The following NEK11 variants were observed in gnomAD, a reference collection of about 807,000 sequenced individuals.
The protein encoded by NEK11 is NIMA related kinase 11, also known as serine/threonine-protein kinase Nek11.
Under a neutral mutation model 80.7 loss-of-function variants are expected in NEK11, and 72 were observed. The ratio of observed to expected loss-of-function variants is 0.89; its 90% CI spans 0.74 to 1.08. The LOEUF is 1.08. NEK11 is among the 50% of genes least tolerant of loss of function. The pLI, the probability that NEK11 is intolerant of heterozygous loss-of-function variation, is 0.00. For synonymous variants in NEK11, 251 were observed against 260.7 expected (o/e 0.96, Z 0.36); for missense variants, 764 against 763.6 (o/e 1.00, Z -0.01).
chr3:131,176,783 C>T (rs1310900657), intron 14 of NEK11, among the ~76,000 whole-genome samples: 1 of 152,094 alleles, frequency 6.6e-6, no homozygotes, highest in African/African-American at 2.4e-5. Context: ...GGAAAACCAG[C>T]ACCCACGGAC....
At chr3:131,287,763 C>T (rs2096490994) in intron 17 of NEK11, among the ~76,000 whole-genome samples, 1 of 152,146 alleles carries the variant, frequency 6.6e-6, no homozygotes, top group Admixed American at 6.5e-5. Context: ...TGGTCTAACT[C>T]CAGAGCATTC....
At chr3:131,294,546 A>AGTAGTCT (rs2096574232) in intron 17 of NEK11, among the ~76,000 whole-genome samples, 1 of 152,048 alleles carries the variant, frequency 6.6e-6, no homozygotes, top group Non-Finnish European at 1.5e-5. Context: ...TGTTGAATGA[A>AGTAGTCT]GTAGTCTGTA....
chr3:131,190,956 T>C (rs2093771405), intron 14 of NEK11, among the ~76,000 whole-genome samples: 1 of 152,122 alleles, frequency 6.6e-6, no homozygotes, highest in Non-Finnish European at 1.5e-5. Flanking sequence ...AGGAAATCAA[T>C]TAATAGTATC....
At chr3:131,332,684 A>G (rs1471759218) in intron 17 of NEK11, among the ~76,000 whole-genome samples, 3 of 152,178 alleles carry the variant, frequency 2.0e-5, no homozygotes, top group Non-Finnish European at 4.4e-5. Flanking sequence ...ACAGGAGGAA[A>G]TTCAAACCAA....
rs2064508598 is a variant in NEK11, at chr3:131,029,802, C to A, written c.94C>A (p.Gln32Lys). The change falls in exon 3 of 18, where the codon CAA (glutamine) becomes AAA (lysine). Residue 32 changes from glutamine (Q) to lysine (K), a missense_variant. Transcript: ENST00000383366. Reference protein sequence around the residue: ...KTLIARRYVLQQKLGSGSFGT... With the variant: ...KTLIARRYVLKQKLGSGSFGT... ...CTTGATTGCAAGAAGATACGTGCTTCAACAAAAACTTGGCAGTGGAAGTTT... is the reference window on the plus strand; with the variant it reads ...CTTGATTGCAAGAAGATACGTGCTTAAACAAAAACTTGGCAGTGGAAGTTT... 1 of 1,614,182 alleles carries A rather than the reference C, an allele frequency of 6.2e-7. No homozygotes were observed. The highest frequency in any genetic ancestry group is 8.5e-7 in the Non-Finnish European group (1 of 1,180,028).
At chr3:131,078,203 G>A (rs2074684577) in intron 3 of NEK11, among the ~76,000 whole-genome samples, 1 of 152,136 alleles carries the variant, frequency 6.6e-6, no homozygotes, top group Non-Finnish European at 1.5e-5. Flanking sequence ...AATATTTAAA[G>A]TGAATAAAAT....
At chr3:131,121,576 C>T (rs1384385122) in intron 5 of NEK11, among the ~76,000 whole-genome samples, 1 of 152,200 alleles carries the variant, frequency 6.6e-6, no homozygotes, top group African/African-American at 2.4e-5. Flanking sequence ...TATGCCCTGC[C>T]CCCAGTGGTG....
At chr3:131,254,366 T>G (rs774466872) in intron 16 of NEK11, among the ~76,000 whole-genome samples, 24 of 152,198 alleles carry the variant, frequency 1.6e-4, no homozygotes, top group Non-Finnish European at 2.9e-4. Context: ...TAACTGACTT[T>G]AAGTCATCAC....
chr3:131,071,622 TA>T (rs1445002868), intron 3 of NEK11, among the ~76,000 whole-genome samples: 1 of 152,034 alleles, frequency 6.6e-6, no homozygotes, highest in East Asian at 1.9e-4. Context: ...TTATATAAAA[TA>T]ATTTTGAATT....
chr3:131,342,964 C>G (rs1326052430), intron 17 of NEK11, among the ~76,000 whole-genome samples: 1 of 151,890 alleles, frequency 6.6e-6, no homozygotes, highest in Non-Finnish European at 1.5e-5. Flanking sequence ...GGGGAATTGG[C>G]CATATGAAAG....
chr3:131,062,175 A>G (rs2148821202), intron 3 of NEK11, among the ~76,000 whole-genome samples: 1 of 152,360 alleles, frequency 6.6e-6, no homozygotes, highest in East Asian at 1.9e-4. Flanking sequence ...AACACGATTT[A>G]GGGTGACAGA....
intron 17 of NEK11, among the ~76,000 whole-genome samples, chr3:131,348,797 A>G (rs778987655): frequency 3.3e-5 from 5 of 151,888 alleles, no homozygotes; most frequent in Admixed American, 1.3e-4. Context: ...TACCCCTTTT[A>G]AGCCTCAGTT....
chr3:131,123,930 T>C (rs942972131), intron 5 of NEK11, among the ~76,000 whole-genome samples: 1 of 152,098 alleles, frequency 6.6e-6, no homozygotes, highest in African/African-American at 2.4e-5. Flanking sequence ...GTCTCCAAAG[T>C]GAGTTGTTCT....
intron 17 of NEK11, among the ~76,000 whole-genome samples, chr3:131,299,939 T>C (rs759349070): frequency 9.2e-5 from 14 of 152,226 alleles, no homozygotes; most frequent in Non-Finnish European, 1.6e-4. Flanking sequence ...TTTAAGTTAT[T>C]TGAGAAATTA....
Position 131,123,398 on chromosome 3 carries a change from C to T in NEK11, c.456-9347C>T, listed in dbSNP as rs939508798. 1.3e-5 allele frequency among the ~76,000 whole-genome samples: 2 copies of T among 152,198 alleles called. 1 individual carries two copies. The highest frequency in any genetic ancestry group is 4.8e-5 in the African/African-American group (2 of 41,442). On this transcript the variant is annotated intron_variant, in intron 5 of 17. Coordinates refer to ENST00000383366, the MANE Select transcript of NEK11 (RefSeq NM_024800.5). ...GCCAGGCTGGTCTCGAACTCCTGAC[C>T]TTGTGATCTGCCTGCCTCGGCCTCC...
chr3:131,260,598 A>G (rs937339123), intron 16 of NEK11, among the ~76,000 whole-genome samples: 2 of 152,166 alleles, frequency 1.3e-5, no homozygotes, highest in East Asian at 1.9e-4. Context: ...CAGAAATTCT[A>G]TGGTCTATAA....
At chr3:131,297,032 G>C (rs1352304825) in intron 17 of NEK11, among the ~76,000 whole-genome samples, 1 of 152,170 alleles carries the variant, frequency 6.6e-6, no homozygotes, top group African/African-American at 2.4e-5. Context: ...TGGTGTATAT[G>C]TGCCACATTT....
chr3:131,065,484 A>G lies in NEK11; in HGVS notation c.171-14939A>G, dbSNP rs1489930722. On this transcript the variant is annotated intron_variant, in intron 3 of 17. Coordinates refer to ENST00000383366, the MANE Select transcript of NEK11 (RefSeq NM_024800.5). ...GAAATGAGGCCTGAACACCAGGGGT[A>G]TGATGGAACCAAGTGTAATGATACT... Among the ~76,000 whole-genome samples, 3 of 152,214 alleles carry G rather than the reference A, an allele frequency of 2.0e-5. No homozygotes were observed. The South Asian group carries it at 6.2e-4, about 31-fold the overall frequency.
chr3:131,136,304 A>T (rs895252285), intron 7 of NEK11, among the ~76,000 whole-genome samples: 3 of 152,180 alleles, frequency 2.0e-5, no homozygotes, highest in Non-Finnish European at 2.9e-5. Flanking sequence ...AAATGGAAAT[A>T]ATAAGAGAGA....
Sources: gnomAD v4.1 joint callset for allele counts (sites outside exome capture counted in the v4.1 genomes callset) on GRCh38, gnomAD v4.1.1 for gene constraint, MANE v1.5 for transcripts, NCBI Gene and HGNC (gene_info 2026-07-23, HGNC 2026-07-21) for gene names.